The following BLACAT1 variants were observed in gnomAD, a reference collection of about 807,000 sequenced individuals.
BLACAT1 encodes bladder cancer associated transcript 1.
chr1:205,449,085 G>T (rs979652075), intron 1 of BLACAT1, among the ~76,000 whole-genome samples: 1 of 152,090 alleles, frequency 6.6e-6, no homozygotes, highest in Non-Finnish European at 1.5e-5. Flanking sequence ...ACCTCCCCAA[G>T]CTGAGGGCAG....
chr1:205,446,706 G>A (rs1296559895), intron 1 of BLACAT1, among the ~76,000 whole-genome samples: 1 of 152,190 alleles, frequency 6.6e-6, no homozygotes, highest in African/African-American at 2.4e-5. Context: ...GGCTCACTGT[G>A]GGCCCAGGGC....
At chr1:205,445,834 TGTCAAACTTTC>T (rs1666380205) in intron 1 of BLACAT1, among the ~76,000 whole-genome samples, 1 of 152,160 alleles carries the variant, frequency 6.6e-6, no homozygotes, top group Admixed American at 6.5e-5. Context: ...CAAACTTTAG[TGTCAAACTTTC>T]GAAAGATGGG....
At chr1:205,442,504 C>T (rs1171977312) in intron 1 of BLACAT1, among the ~76,000 whole-genome samples, 1 of 152,208 alleles carries the variant, frequency 6.6e-6, no homozygotes, top group Non-Finnish European at 1.5e-5. Flanking sequence ...CCAAGGCCCA[C>T]ACCAAGCACA....
chr1:205,452,504 A>G (rs1398888149), intron 1 of BLACAT1, among the ~76,000 whole-genome samples: 2 of 152,234 alleles, frequency 1.3e-5, no homozygotes, highest in Admixed American at 6.5e-5. Flanking sequence ...ATCATCAAAC[A>G]TAGGGTGCAC....
chr1:205,443,552 C>A (rs1234231181), intron 1 of BLACAT1, among the ~76,000 whole-genome samples: 6 of 152,134 alleles, frequency 3.9e-5, no homozygotes, highest in Non-Finnish European at 7.4e-5. Flanking sequence ...GCCTGGCTCC[C>A]GAGAGGTGTT....
At chr1:205,442,082 G>C (rs1666304786) in intron 1 of BLACAT1, among the ~76,000 whole-genome samples, 1 of 152,220 alleles carries the variant, frequency 6.6e-6, no homozygotes. Context: ...CCTATGGAAA[G>C]GGAGCAGAAG....
At chr1:205,442,891 C>T (rs769592500) in intron 1 of BLACAT1, among the ~76,000 whole-genome samples, 2 of 152,168 alleles carry the variant, frequency 1.3e-5, no homozygotes, top group Non-Finnish European at 2.9e-5. Context: ...GGGTTCTATT[C>T]CTGGCTCTGA....
rs1666296688 is a variant in BLACAT1, at chr1:205,441,729, GCT to G, written c.-36-669_-36-668del. On this transcript the variant is annotated intron_variant, in intron 1 of 1. Transcript: ENST00000629624. This position sits in a 1 kb window ranked among gnomAD's most constrained non-coding sequence, Gnocchi z 4.3. ...CAAAGAGGGTTCTTTTAGCCAACAG[GCT>G]CTTTTATTTAGCACCTATGCTGGGC... 6.6e-6 allele frequency among the ~76,000 whole-genome samples: 1 copy of G among 152,192 alleles called. No individual in the cohort carries two copies. Among genetic ancestry groups the G allele is most frequent in the Non-Finnish European group, 1.5e-5 (1 of 68,040 alleles).
downstream of BLACAT1, chr1:205,437,109 TC>T: frequency 6.6e-6 from 1 of 152,628 alleles, no homozygotes; most frequent in East Asian, 1.9e-4. Flanking sequence ...AAATGCATAT[TC>T]AGTCTGTAGA....
rs1049497467 is a variant in BLACAT1 at position 205,441,193 on chromosome 1, G to C, written c.-36-131C>G. On this transcript the variant is annotated intron_variant, in intron 1 of 1. Coordinates refer to ENST00000629624, the Ensembl canonical transcript of BLACAT1. The surrounding 1 kb of genome is among the most constrained non-coding windows in gnomAD (Gnocchi z 4.3). ...GCCACTCCCTGAGGCGGCCCGCTAG[G>C]TCTCTCACACCGGCTGGGGGAGGAG... is the stretch of plus-strand genomic sequence containing the variant. The C allele has an allele frequency of 6.6e-6, 1 of 152,242 alleles. No individual in the cohort carries two copies. The highest frequency in any genetic ancestry group is 1.5e-5 in the Non-Finnish European group (1 of 68,148). 9.4% of individuals were successfully genotyped at this position (152,242 alleles called of 1,614,324 possible). A position where few individuals can be genotyped will look rare whatever the true frequency, so the allele number is the denominator to read the frequency against.
In BLACAT1 at chr1:205,450,395, A is replaced by G. The variant is rs931034378; in HGVS notation, c.-37+5522T>C. On this transcript the variant is annotated intron_variant, in intron 1 of 1. Transcript: ENST00000629624. This position sits in a 1 kb window ranked among gnomAD's most constrained non-coding sequence, Gnocchi z 4.4. ...CTCCCCTCCAGCTTTTTTATAGTTT[A>G]ATTTTTGGCAGGAGACCTGAGACGG... Among the ~76,000 whole-genome samples, 2 of 118,694 alleles carry G rather than the reference A, an allele frequency of 1.7e-5. No homozygotes were observed. 77.9% of individuals were successfully genotyped at this position (118,694 alleles called of 152,430 possible).
intron 1 of BLACAT1, among the ~76,000 whole-genome samples, chr1:205,446,960 G>A (rs977540032): frequency 6.6e-6 from 1 of 152,222 alleles, no homozygotes. Context: ...GTGGGAAAAG[G>A]AAAACCAGTG....
Position 205,441,058 on chromosome 1 carries a change from G to C in BLACAT1, c.-32C>G, listed in dbSNP as rs1666286286. 1 of 152,800 alleles carries C rather than the reference G, an allele frequency of 6.5e-6. No individual in the cohort carries two copies. The highest frequency in any genetic ancestry group is 6.5e-5 in the Admixed American group (1 of 15,290). 9.5% of individuals were successfully genotyped at this position (152,800 alleles called of 1,614,324 possible). On this transcript the variant is annotated 5_prime_UTR_variant, in exon 2 of 2. Coordinates refer to ENST00000629624, the Ensembl canonical transcript of BLACAT1. The surrounding 1 kb of genome is among the most constrained non-coding windows in gnomAD (Gnocchi z 4.3). ...CGCCAGGCTGGGGGAACACTCACCAGAGATCTGCAGGGAAAGGCAGGGGAG... is the reference window on the plus strand; with the variant it reads ...CGCCAGGCTGGGGGAACACTCACCACAGATCTGCAGGGAAAGGCAGGGGAG...
downstream of BLACAT1, among the ~76,000 whole-genome samples, chr1:205,438,520 T>G (rs567310242): frequency 3.3e-5 from 5 of 152,198 alleles, no homozygotes; most frequent in African/African-American, 1.2e-4. Flanking sequence ...AGGGCACAGG[T>G]GTCCAGACTG....
At chr1:205,436,484 G>A (rs35594408), downstream of BLACAT1, 12,021 of 146,556 alleles carry the variant, frequency 0.082, 630 homozygotes, top group Non-Finnish European at 0.12. Context: ...CAATAACCCC[G>A]GCACAGTGGG....
intron 1 of BLACAT1, among the ~76,000 whole-genome samples, chr1:205,454,601 G>A (rs1666540703): frequency 6.6e-6 from 1 of 152,024 alleles, no homozygotes; most frequent in Non-Finnish European, 1.5e-5. Context: ...AGCCCCAGTG[G>A]AGCAATGGAA....
intron 1 of BLACAT1, among the ~76,000 whole-genome samples, chr1:205,455,549 G>C (rs941902115): frequency 6.6e-6 from 1 of 152,196 alleles, no homozygotes; most frequent in Non-Finnish European, 1.5e-5. Context: ...AAACGGAGGA[G>C]GCACTCCAAG....
intron 1 of BLACAT1, among the ~76,000 whole-genome samples, chr1:205,445,742 G>A (rs962015611): frequency 2.0e-5 from 3 of 152,196 alleles, no homozygotes; most frequent in South Asian, 2.1e-4. Context: ...CTGGCCCACC[G>A]TAAGAGTGGG....
At chr1:205,445,828 C>A (rs1055088946) in intron 1 of BLACAT1, among the ~76,000 whole-genome samples, 1 of 152,172 alleles carries the variant, frequency 6.6e-6, no homozygotes, top group African/African-American at 2.4e-5. Context: ...AAAGGTCAAA[C>A]TTTAGTGTCA....
Sources: gnomAD v4.1 joint callset for allele counts (sites outside exome capture counted in the v4.1 genomes callset) on GRCh38, gnomAD v4.1.1 for gene constraint, Gnocchi (gnomAD v3.1) non-coding constraint, MANE v1.5 for transcripts, NCBI Gene and HGNC (gene_info 2026-07-23, HGNC 2026-07-21) for gene names.